The following GALK2 variants were observed in gnomAD, a reference collection of about 807,000 sequenced individuals.
GALK2 encodes N-acetylgalactosamine kinase.
In GALK2, 36 loss-of-function variants were observed where a neutral mutation model predicts 52.4. That is an observed-to-expected ratio of 0.69 (90% CI 0.53 to 0.91). The LOEUF (loss-of-function observed/expected upper bound fraction) is 0.91, where lower values mean the gene tolerates loss of function less well. Among genes scored for constraint, GALK2 ranks in the 40% least tolerant of loss-of-function variants. GALK2 has a pLI of 0.00. For missense variants in GALK2, 579 were observed against 559.1 expected, an observed-to-expected ratio of 1.04 and a Z score of -0.36; for synonymous variants, 176 against 199.1, an observed-to-expected ratio of 0.88 and a Z score of 0.98.
intron 4 of GALK2, among the ~76,000 whole-genome samples, chr15:49,237,766 C>T (rs368575560): frequency 1.3e-5 from 2 of 152,100 alleles, no homozygotes; most frequent in South Asian, 2.1e-4. Context: ...TGAGCCACTG[C>T]GCCCGGCTGA....
intron 5 of GALK2, 148 bp from the exon 6 acceptor site, chr15:49,281,839 C>T: frequency 1.8e-6 from 1 of 557,956 alleles, no homozygotes; most frequent in Non-Finnish European, 3.2e-6. Context: ...AGTCTGGAGC[C>T]CTTTTTAATG....
At chr15:49,320,390 T>C (rs536687633) in intron 9 of GALK2, among the ~76,000 whole-genome samples, 1 of 152,284 alleles carries the variant, frequency 6.6e-6, no homozygotes, top group African/African-American at 2.4e-5. Flanking sequence ...GAGGCAGAAA[T>C]GTAAAGAGGA....
At chr15:49,351,699 T>A (rs116123817) in intron 3 of GALK2, among the ~76,000 whole-genome samples, 155 of 152,252 alleles carry the variant, frequency 1.0e-3, no homozygotes, top group African/African-American at 3.6e-3. Flanking sequence ...TAAAGTAACA[T>A]TGGACAGACA....
At chr15:49,213,109 T>C (rs1421390282) in intron 2 of GALK2, among the ~76,000 whole-genome samples, 1 of 152,224 alleles carries the variant, frequency 6.6e-6, no homozygotes, top group East Asian at 1.9e-4. Flanking sequence ...CCAGCTATTA[T>C]TCTATAGGCA....
At chr15:49,275,936 G>C (rs1192528112) in intron 5 of GALK2, among the ~76,000 whole-genome samples, 4 of 152,174 alleles carry the variant, frequency 2.6e-5, no homozygotes, top group Admixed American at 2.6e-4. Context: ...TACCCAGGCT[G>C]CTTCAAGAGA....
At position 49,328,984 on chromosome 15, in the gene GALK2, A is replaced by G; in HGVS notation, c.*825A>G. The G allele has an allele frequency of 9.6e-7, 1 of 1,043,800 alleles. No individual in the cohort carries two copies. The highest frequency in any genetic ancestry group is 4.4e-5 in the South Asian group (1 of 22,546). The allele number at this position is 1,043,800 out of a possible 1,614,324, so 64.7% of individuals were successfully genotyped here. A position where few individuals can be genotyped will look rare whatever the true frequency, so the allele number is the denominator to read the frequency against. ...GAATTATCTAGATGATAATTCAGATAATTCAGTTTGTTCATAGAATTACTT... is the reference window on the plus strand; with the variant it reads ...GAATTATCTAGATGATAATTCAGATGATTCAGTTTGTTCATAGAATTACTT... On this transcript the variant is annotated 3_prime_UTR_variant, in exon 10 of 10. Coordinates refer to ENST00000560031, the MANE Select transcript of GALK2 (RefSeq NM_002044.4).
chr15:49,168,150 C>T (rs1413962743), upstream of GALK2, among the ~76,000 whole-genome samples: 1 of 152,154 alleles, frequency 6.6e-6, no homozygotes, highest in East Asian at 1.9e-4. Context: ...CTGTAAGGTG[C>T]TTTCTAGTCT....
At chr15:49,307,023 A>G (rs2035598972) in intron 8 of GALK2, among the ~76,000 whole-genome samples, 1 of 152,222 alleles carries the variant, frequency 6.6e-6, no homozygotes, top group African/African-American at 2.4e-5. Flanking sequence ...AACTATAATT[A>G]GAAAGGAACA....
rs35538212 is a variant in GALK2, at chr15:49,214,496, ATTT to A, written c.143-2679_143-2677del. ...CAGGCACCTGCCACCACACCCGGCTATTTTTTTTTTTTTTTTTGTATTTTTAGT... is the reference window on the plus strand; with the variant it reads ...CAGGCACCTGCCACCACACCCGGCTATTTTTTTTTTTTTTGTATTTTTAGT... On this transcript the variant is annotated intron_variant, in intron 2 of 9. Transcript: ENST00000560031. Among the ~76,000 whole-genome samples the A allele has an allele frequency of 3.0e-3, 394 of 129,938 alleles. 1 individual carries two copies. Among genetic ancestry groups the A allele is most frequent in the Middle Eastern group, 7.5e-3 (2 of 268 alleles). The allele number at this position is 129,938 out of a possible 152,430, so 85.2% of individuals were successfully genotyped here.
intron 5 of GALK2, among the ~76,000 whole-genome samples, chr15:49,258,788 A>ATGTGTGTGTGTGTG (rs1468439517): frequency 1.8e-5 from 2 of 113,634 alleles, no homozygotes; most frequent in South Asian, 3.3e-4. Flanking sequence ...ATATATATAT[A>ATGTGTGTGTGTGTG]TATATATGTG....
intron 3 of GALK2, among the ~76,000 whole-genome samples, chr15:49,228,687 A>ACATACATATAT (rs2090308588): frequency 7.0e-5 from 1 of 14,274 alleles, no homozygotes; most frequent in African/African-American, 3.4e-4. Context: ...ATATATATAT[A>ACATACATATAT]TTTTTTTTTT....
At chr15:49,291,736 G>A (rs967868398) in intron 7 of GALK2, among the ~76,000 whole-genome samples, 2 of 152,108 alleles carry the variant, frequency 1.3e-5, no homozygotes, top group Non-Finnish European at 2.9e-5. Context: ...TTTTCTTGAG[G>A]GTAGAGGAAC....
chr15:49,349,142 A>T (rs2041913898), intron 3 of GALK2, among the ~76,000 whole-genome samples: 1 of 152,176 alleles, frequency 6.6e-6, no homozygotes, highest in Non-Finnish European at 1.5e-5. Flanking sequence ...ATTAAAAGAA[A>T]ATCCCTAACT....
chr15:49,260,538 T>C (rs985741268), intron 5 of GALK2, among the ~76,000 whole-genome samples: 10 of 147,426 alleles, frequency 6.8e-5, no homozygotes, highest in African/African-American at 1.0e-4. Context: ...CTGATGGTAG[T>C]TTCTTTTGCT....
chr15:49,261,371 C>G (rs1212678370), intron 5 of GALK2, among the ~76,000 whole-genome samples: 8 of 145,828 alleles, frequency 5.5e-5, no homozygotes, highest in Admixed American at 5.5e-4. Flanking sequence ...GTCTGTTTGT[C>G]TGTTATTGGT....
At chr15:49,242,443 G>A (rs751653878) in intron 5 of GALK2, among the ~76,000 whole-genome samples, 1 of 152,166 alleles carries the variant, frequency 6.6e-6, no homozygotes, top group African/African-American at 2.4e-5. Context: ...TACCATAGAG[G>A]TCAGCCTTTT....
intron 5 of GALK2, among the ~76,000 whole-genome samples, chr15:49,258,829 T>TGTGTGTGTGTGA (rs1335491479): frequency 1.6e-5 from 2 of 124,128 alleles, no homozygotes; most frequent in Admixed American, 8.3e-5. Context: ...TGTGTGTGTG[T>TGTGTGTGTGTGA]GAGAGAGAGA....
chr15:49,276,977 T>C (rs1380305674), intron 5 of GALK2, among the ~76,000 whole-genome samples: 8 of 142,022 alleles, frequency 5.6e-5, no homozygotes, highest in Non-Finnish European at 1.1e-4. Context: ...TTTCTTTTTT[T>C]TTTTTTTTTT....
chr15:49,252,225 C>G (rs546181201), intron 5 of GALK2, among the ~76,000 whole-genome samples: 1 of 152,106 alleles, frequency 6.6e-6, no homozygotes, highest in South Asian at 2.1e-4. Context: ...GAGATCGCAC[C>G]ATTGCACTCC....
Sources: gnomAD v4.1 joint callset for allele counts (sites outside exome capture counted in the v4.1 genomes callset) on GRCh38, gnomAD v4.1.1 for gene constraint, MANE v1.5 for transcripts, NCBI Gene and HGNC (gene_info 2026-07-23, HGNC 2026-07-21) for gene names.